The following SOX6 variants were observed in gnomAD, a reference collection of about 807,000 sequenced individuals.
The protein encoded by SOX6 is SRY-box transcription factor 6.
In SOX6, 11 loss-of-function variants were observed where a neutral mutation model predicts 97.8. The observed-to-expected ratio is 0.11, with a 90% CI of 0.07 to 0.19. SOX6 has a LOEUF of 0.19. SOX6 is among the 10% of genes least tolerant of loss of function. The probability of loss-of-function intolerance (pLI) is 1.00; values close to 1 mark genes in which losing one functional copy is unlikely to be tolerated. For missense variants in SOX6, 810 were observed against 1,039.5 expected (o/e 0.78, Z 3.04); for synonymous variants, 360 against 371.4 (o/e 0.97, Z 0.35).
chr11:16,142,508 C>T (rs1850172006), intron 6 of SOX6, among the ~76,000 whole-genome samples: 1 of 152,184 alleles, frequency 6.6e-6, no homozygotes, highest in South Asian at 2.1e-4. Context: ...CAGAGAATGA[C>T]TTTGACGAGT....
At chr11:16,097,548 G>A (rs2133975746) in intron 8 of SOX6, 61 bp downstream of exon 8, 2 of 1,404,056 alleles carry the variant, frequency 1.4e-6, no homozygotes, top group Non-Finnish European at 2.0e-6. Flanking sequence ...CATACAGCTG[G>A]TTAGCAGTTT....
chr11:16,276,471 T>C (rs577956049), intron 3 of SOX6, among the ~76,000 whole-genome samples: 4 of 152,282 alleles, frequency 2.6e-5, no homozygotes, highest in South Asian at 2.1e-4. Context: ...TTCTAGATAA[T>C]GAGACATGGA....
intron 4 of SOX6, among the ~76,000 whole-genome samples, chr11:16,599,693 T>C (rs1160795222): frequency 6.6e-6 from 1 of 152,186 alleles, no homozygotes; most frequent in African/African-American, 2.4e-5. Context: ...TTTGTGAGGA[T>C]TACTAAATAT....
intron 3 of SOX6, among the ~76,000 whole-genome samples, chr11:16,253,399 G>T (rs746945161): frequency 2.1e-4 from 32 of 151,952 alleles, no homozygotes; most frequent in Non-Finnish European, 8.8e-5. Flanking sequence ...AAATGTAGCA[G>T]TCCTATGAGG....
At chr11:16,572,645 A>G (rs1304536520) in intron 4 of SOX6, among the ~76,000 whole-genome samples, 1 of 152,198 alleles carries the variant, frequency 6.6e-6, no homozygotes, top group Non-Finnish European at 1.5e-5. Context: ...ATAATAGAGT[A>G]TGTAGTTTGA....
intron 13 of SOX6, among the ~76,000 whole-genome samples, chr11:15,990,495 G>A (rs1033665491): frequency 1.3e-5 from 2 of 151,732 alleles, no homozygotes; most frequent in Admixed American, 6.6e-5. Context: ...ATTCACTGCT[G>A]TATTCCTAGG....
intron 6 of SOX6, among the ~76,000 whole-genome samples, chr11:16,171,655 A>C (rs1851042495): frequency 6.6e-6 from 1 of 151,998 alleles, no homozygotes; most frequent in African/African-American, 2.4e-5. Context: ...AATAAAACAA[A>C]GTTTATTTAT....
chr11:16,702,248 G>T (rs1209300524), intron 3 of SOX6, among the ~76,000 whole-genome samples: 2 of 152,108 alleles, frequency 1.3e-5, no homozygotes, highest in Non-Finnish European at 2.9e-5. Flanking sequence ...AAGCCGAATA[G>T]CTTAAAAGTA....
intron 1 of SOX6, among the ~76,000 whole-genome samples, chr11:16,388,026 G>A (rs1274217586): frequency 6.6e-6 from 1 of 152,086 alleles, no homozygotes; most frequent in African/African-American, 2.4e-5. Context: ...CCTATCTTGG[G>A]AAGAAAGCAT....
chr11:16,118,451 A>G (rs1849406387), intron 6 of SOX6, among the ~76,000 whole-genome samples: 1 of 152,232 alleles, frequency 6.6e-6, no homozygotes. Flanking sequence ...ATAAAACAGC[A>G]TTGTTGCATC....
At chr11:16,657,328 G>A (rs1409897592) in intron 3 of SOX6, among the ~76,000 whole-genome samples, 1 of 152,068 alleles carries the variant, frequency 6.6e-6, no homozygotes, top group Non-Finnish European at 1.5e-5. Context: ...ATCTGGATGT[G>A]CCACAGTTTA....
intron 1 of SOX6, among the ~76,000 whole-genome samples, chr11:16,387,218 T>TAAGCA (rs1253092424): frequency 6.6e-6 from 1 of 152,172 alleles, no homozygotes; most frequent in African/African-American, 2.4e-5. Flanking sequence ...AAGTGTAACC[T>TAAGCA]AAGCAAAAGA....
intron 4 of SOX6, among the ~76,000 whole-genome samples, chr11:16,536,304 T>C (rs1861306404): frequency 6.6e-6 from 1 of 152,192 alleles, no homozygotes; most frequent in South Asian, 2.1e-4. Context: ...TGATGTTTGT[T>C]ATAAAAATAA....
chr11:16,551,318 C>A (rs186743970), intron 4 of SOX6, among the ~76,000 whole-genome samples: 4 of 152,214 alleles, frequency 2.6e-5, no homozygotes, highest in Admixed American at 2.0e-4. Context: ...CCACTGTACT[C>A]AGCCCAGGCA....
At chr11:16,475,299 A>C (rs1435527918) in intron 1 of SOX6, among the ~76,000 whole-genome samples, 1 of 152,180 alleles carries the variant, frequency 6.6e-6, no homozygotes, top group Non-Finnish European at 1.5e-5. Context: ...AACTTGGCTA[A>C]CTGGTACAAG....
intron 4 of SOX6, chr11:16,484,373 A>G: frequency 1.2e-6 from 1 of 802,960 alleles, no homozygotes. Context: ...GTCCAGCTTC[A>G]TGTCACTAAG....
intron 15 of SOX6, among the ~76,000 whole-genome samples, chr11:15,977,580 GCAGA>G (rs1853525026): frequency 1.3e-5 from 2 of 151,594 alleles, no homozygotes; most frequent in Admixed American, 6.6e-5. Flanking sequence ...TCACTCCCTT[GCAGA>G]CACTCTCCAT....
At chr11:16,227,907 T>G (rs10832569) in intron 4 of SOX6, among the ~76,000 whole-genome samples, 62,541 of 152,018 alleles carry the variant, frequency 0.41, 13,836 homozygotes, top group East Asian at 0.49. Context: ...CTTAAAAATA[T>G]GAGACCCAGG....
At chr11:16,002,442 A>G (rs1370234827) in intron 13 of SOX6, among the ~76,000 whole-genome samples, 2 of 152,148 alleles carry the variant, frequency 1.3e-5, no homozygotes, top group Admixed American at 1.3e-4. Context: ...AGATAGCTAA[A>G]CAGAGTCCTT....
Sources: allele counts gnomAD v4.1 joint callset (sites outside exome capture counted in the v4.1 genomes callset), GRCh38; gene constraint gnomAD v4.1.1; transcripts MANE v1.5; gene names NCBI Gene and HGNC (gene_info 2026-07-23, HGNC 2026-07-21).